PRKN: variants seen among roughly 807,000 people sequenced by gnomAD.
PRKN encodes E3 ubiquitin-protein ligase parkin.
A neutral mutation model predicts 59.5 loss-of-function variants in PRKN; 56 were observed. The ratio of observed to expected loss-of-function variants is 0.94; its 90% CI spans 0.76 to 1.18. PRKN has a LOEUF of 1.18. Ranked by LOEUF, PRKN falls within the 50% of genes most tolerant of loss-of-function variation. The pLI is 0.00. For missense variants in PRKN, 657 were observed against 596.4 expected, an observed-to-expected ratio of 1.10 and a Z score of -1.06; for synonymous variants, 250 against 222.1, an observed-to-expected ratio of 1.13 and a Z score of -1.12.
At position 162,405,187 on chromosome 6, in the gene PRKN, C is replaced by T. The variant is rs117890369; in HGVS notation, c.171+38123G>A. 6.6e-3 allele frequency among the ~76,000 whole-genome samples: 1,012 copies of T among 152,246 alleles called. 7 individuals carry two copies. Among genetic ancestry groups the T allele is most frequent in the Middle Eastern group, 0.014 (4 of 294 alleles). ...GTTCTGACACTTGGACGTCTTCCAACGCAGACTTTCAGTATTATTTTTCTA... is the reference window on the plus strand; with the variant it reads ...GTTCTGACACTTGGACGTCTTCCAATGCAGACTTTCAGTATTATTTTTCTA... On this transcript the variant is annotated intron_variant, in intron 2 of 11. Transcript: ENST00000366898.
intron 4 of PRKN, among the ~76,000 whole-genome samples, chr6:162,145,269 C>T (rs879452654): frequency 2.6e-5 from 4 of 152,090 alleles, no homozygotes; most frequent in African/African-American, 4.8e-5. Context: ...GTCAACAGTT[C>T]GTACCAGTGT....
intron 7 of PRKN, among the ~76,000 whole-genome samples, chr6:161,752,374 CAAAAA>C (rs199897471): frequency 9.4e-6 from 1 of 106,886 alleles, no homozygotes; most frequent in Non-Finnish European, 2.4e-5. Flanking sequence ...CTCAAACAAA[CAAAAA>C]AACAAAACAA....
chr6:162,588,798 G>A (rs1388809829), intron 1 of PRKN, among the ~76,000 whole-genome samples: 1 of 152,120 alleles, frequency 6.6e-6, no homozygotes, highest in Admixed American at 6.5e-5. Context: ...TGATCCACCT[G>A]CCTCAGCCTC....
intron 1 of PRKN, among the ~76,000 whole-genome samples, chr6:162,682,919 C>G (rs932785840): frequency 2.0e-5 from 3 of 151,986 alleles, no homozygotes; most frequent in African/African-American, 7.2e-5. Flanking sequence ...CAGAACTATA[C>G]AAATAAGGTA....
intron 2 of PRKN, among the ~76,000 whole-genome samples, chr6:162,427,838 C>T (rs1299319461): frequency 7.3e-5 from 11 of 151,538 alleles, no homozygotes; most frequent in East Asian, 3.9e-4. Context: ...TTAGTTGAGA[C>T]GGGGTAATAA....
chr6:161,978,391 T>G (rs1177268160), intron 5 of PRKN, among the ~76,000 whole-genome samples: 1 of 152,152 alleles, frequency 6.6e-6, no homozygotes, highest in Non-Finnish European at 1.5e-5. Flanking sequence ...TGGGCTGGAT[T>G]GTTGAAGTCT....
At chr6:161,737,910 C>T (rs1290002380) in intron 7 of PRKN, among the ~76,000 whole-genome samples, 1 of 152,138 alleles carries the variant, frequency 6.6e-6, no homozygotes, top group Non-Finnish European at 1.5e-5. Context: ...ATATTACATC[C>T]CGTTTAACTC....
rs35792526 is a variant in PRKN, at chr6:162,436,176, CAAAAAAAAA to C, written c.171+7125_171+7133del. On this transcript the variant is annotated intron_variant, in intron 2 of 11. Coordinates refer to ENST00000366898, the MANE Select transcript of PRKN (RefSeq NM_004562.3). ...AGGCGACAGAGTAAGACTCCATCTC[CAAAAAAAAA>C]AAAAAAAAAAAAAAAAAAATTTGAA... Among the ~76,000 whole-genome samples the C allele has an allele frequency of 9.1e-5, 5 of 54,686 alleles. No homozygotes were observed. The South Asian group carries it at 2.4e-3, about 26-fold the overall frequency. The allele number at this position is 54,686 out of a possible 152,430, so 35.9% of individuals were successfully genotyped here. A position where few individuals can be genotyped will look rare whatever the true frequency, so the allele number is the denominator to read the frequency against.
chr6:162,603,872 G>A (rs904119758), intron 1 of PRKN, among the ~76,000 whole-genome samples: 1 of 152,102 alleles, frequency 6.6e-6, no homozygotes, highest in African/African-American at 2.4e-5. Flanking sequence ...ATTTAAGGGA[G>A]ATCTGCCAGA....
chr6:162,112,095 A>G (rs1780463433), intron 4 of PRKN, among the ~76,000 whole-genome samples: 3 of 152,250 alleles, frequency 2.0e-5, no homozygotes, highest in Non-Finnish European at 2.9e-5. Context: ...TGTATCTACA[A>G]ACATATTGGA....
chr6:161,470,207 A>T lies in PRKN; in HGVS notation c.1083+78647T>A, dbSNP rs796209357. 2.6e-5 allele frequency among the ~76,000 whole-genome samples: 4 copies of T among 152,346 alleles called. No individual in the cohort carries two copies. The highest frequency in any genetic ancestry group is 9.6e-5 in the African/African-American group (4 of 41,586). The stretch of plus-strand genomic sequence containing the variant: ...AACCTACACTAAAATAATGGTGTAC[A>T]GTCTATGCCACATAATTTTTGTGTT... On this transcript the variant is annotated intron_variant, in intron 9 of 11. Coordinates refer to ENST00000366898, the MANE Select transcript of PRKN (RefSeq NM_004562.3). This position sits in a 1 kb window ranked among gnomAD's most constrained non-coding sequence, Gnocchi z 5.1.
At chr6:162,258,120 C>T (rs1178532540) in intron 3 of PRKN, among the ~76,000 whole-genome samples, 4 of 152,172 alleles carry the variant, frequency 2.6e-5, no homozygotes, top group African/African-American at 9.7e-5. Flanking sequence ...CAGTTTAGCT[C>T]ATCACACAGG....
intron 4 of PRKN, among the ~76,000 whole-genome samples, chr6:162,113,180 G>A (rs1463229833): frequency 1.3e-5 from 2 of 152,164 alleles, no homozygotes; most frequent in Admixed American, 6.5e-5. Context: ...TAAGCCATAT[G>A]AAATATCATG....
At chr6:162,557,790 G>C (rs746972892) in intron 1 of PRKN, among the ~76,000 whole-genome samples, 1 of 152,132 alleles carries the variant, frequency 6.6e-6, no homozygotes. Context: ...GATTACAGGC[G>C]TGAGCCACTA....
intron 10 of PRKN, among the ~76,000 whole-genome samples, chr6:161,364,582 G>A (rs373763340): frequency 5.2e-4 from 79 of 151,442 alleles, no homozygotes; most frequent in Non-Finnish European, 9.3e-4. Flanking sequence ...AATGGGTAAC[G>A]TATGGTAAAT....
At chr6:161,919,601 T>A (rs1368762991) in intron 6 of PRKN, among the ~76,000 whole-genome samples, 3 of 152,254 alleles carry the variant, frequency 2.0e-5, no homozygotes, top group Non-Finnish European at 4.4e-5. Flanking sequence ...CTTACCATTA[T>A]GAACTGTCAT....
At chr6:162,031,237 T>TA (rs1354870298) in intron 5 of PRKN, among the ~76,000 whole-genome samples, 1 of 151,892 alleles carries the variant, frequency 6.6e-6, no homozygotes, top group Non-Finnish European at 1.5e-5. Flanking sequence ...CAAGGGCACC[T>TA]ATTTTTTTTT....
chr6:162,363,786 T>C (rs776405436), intron 2 of PRKN, among the ~76,000 whole-genome samples: 3 of 152,212 alleles, frequency 2.0e-5, no homozygotes, highest in African/African-American at 4.8e-5. Context: ...CTCCCTTCTA[T>C]ACATCTTGCT....
Position 161,466,579 on chromosome 6 carries a change from C to T in PRKN, c.1084-79702G>A, listed in dbSNP as rs954161712. Reference sequence around the variant, plus strand: ...GATGTTAGGATGAAGGTACAGTTTGCATATTAAAAGATAAGCCAGTACATC... The same window carrying T: ...GATGTTAGGATGAAGGTACAGTTTGTATATTAAAAGATAAGCCAGTACATC... On this transcript the variant is annotated intron_variant, in intron 9 of 11. Transcript: ENST00000366898. This position sits in a 1 kb window ranked among gnomAD's most constrained non-coding sequence, Gnocchi z 5.0. 5.9e-5 allele frequency among the ~76,000 whole-genome samples: 9 copies of T among 152,170 alleles called. No homozygotes were observed. Among genetic ancestry groups the T allele is most frequent in the African/African-American group, 2.2e-4 (9 of 41,442 alleles).
Sources: gnomAD v4.1 joint callset for allele counts (sites outside exome capture counted in the v4.1 genomes callset) on GRCh38, gnomAD v4.1.1 for gene constraint, Gnocchi (gnomAD v3.1) non-coding constraint, MANE v1.5 for transcripts, NCBI Gene and HGNC (gene_info 2026-07-23, HGNC 2026-07-21) for gene names.